Variants in FOXN3 observed in about 807,000 individuals in gnomAD.
The protein encoded by FOXN3 is forkhead box protein N3.
FOXN3 carries 7 observed loss-of-function variants against 38.4 expected under a neutral mutation model. The observed-to-expected ratio is 0.18, with a 90% CI of 0.10 to 0.34. The LOEUF (loss-of-function observed/expected upper bound fraction) is 0.34. Ranked by LOEUF, FOXN3 falls within the 10% of genes least tolerant of loss-of-function variation. FOXN3 has a pLI of 1.00. For synonymous variants in FOXN3, 230 were observed against 242.2 expected (o/e 0.95, Z 0.47); for missense variants, 456 against 613.4 (o/e 0.74, Z 2.71).
chr14:89,606,168 C>T (rs922678529), intron 1 of FOXN3, among the ~76,000 whole-genome samples: 4 of 152,024 alleles, frequency 2.6e-5, no homozygotes, highest in Non-Finnish European at 5.9e-5. Context: ...TCAATAAATT[C>T]CTAGAAATGC....
intron 3 of FOXN3, among the ~76,000 whole-genome samples, chr14:89,336,137 T>TACACACACACACACACACACAC (rs34950734): frequency 1.6e-4 from 23 of 140,018 alleles, no homozygotes; most frequent in African/African-American, 3.7e-4. Context: ...AAGTGATCCT[T>TACACACACACACACACACACAC]ACACACACAC....
At chr14:89,276,050 A>G (rs1006184068) in intron 4 of FOXN3, among the ~76,000 whole-genome samples, 2 of 152,184 alleles carry the variant, frequency 1.3e-5, no homozygotes, top group African/African-American at 2.4e-5. Context: ...GCCAAGGCAG[A>G]TGGATCACAT....
At chr14:89,311,335 G>T (rs1253570452) in intron 3 of FOXN3, among the ~76,000 whole-genome samples, 1 of 151,070 alleles carries the variant, frequency 6.6e-6, no homozygotes, top group African/African-American at 2.4e-5. Flanking sequence ...AGTCAGGCAT[G>T]GTGGCATGTG....
At chr14:89,359,307 A>T (rs55983824) in intron 2 of FOXN3, among the ~76,000 whole-genome samples, 113 of 81,742 alleles carry the variant, frequency 1.4e-3, no homozygotes, top group Non-Finnish European at 1.9e-3. Context: ...AAATAAAATT[A>T]AAAAAAAAAA....
intron 3 of FOXN3, among the ~76,000 whole-genome samples, chr14:89,329,117 G>A (rs868575450): frequency 3.9e-5 from 6 of 152,152 alleles, no homozygotes; most frequent in Admixed American, 6.5e-5. Flanking sequence ...GCAATTCTTC[G>A]GCAGCTGGAC....
At chr14:89,534,846 A>G (rs1894650965) in intron 1 of FOXN3, among the ~76,000 whole-genome samples, 1 of 152,174 alleles carries the variant, frequency 6.6e-6, no homozygotes, top group Admixed American at 6.5e-5. Flanking sequence ...GGCCCGTTCT[A>G]TCCACTGCTC....
intron 2 of FOXN3, among the ~76,000 whole-genome samples, chr14:89,391,977 A>C (rs1010579): frequency 0.69 from 104,394 of 152,024 alleles, 36,238 homozygotes; most frequent in Admixed American, 0.76. Flanking sequence ...ACTGCAATCC[A>C]ACCTGGAACC....
At chr14:89,286,311 G>T (rs1447163673) in intron 3 of FOXN3, among the ~76,000 whole-genome samples, 1 of 152,060 alleles carries the variant, frequency 6.6e-6, no homozygotes, top group Non-Finnish European at 1.5e-5. Context: ...AAGAATATCT[G>T]AATGTCCCCC....
intron 1 of FOXN3, among the ~76,000 whole-genome samples, chr14:89,579,925 AATAC>A (rs1895712295): frequency 6.6e-6 from 1 of 152,210 alleles, no homozygotes; most frequent in South Asian, 2.1e-4. Flanking sequence ...ACACTTAATA[AATAC>A]ATAAAGGAAT....
At chr14:89,340,708 G>A (rs1888590455) in intron 3 of FOXN3, among the ~76,000 whole-genome samples, 1 of 152,052 alleles carries the variant, frequency 6.6e-6, no homozygotes, top group Non-Finnish European at 1.5e-5. Context: ...ACAATAGGGG[G>A]GAGGTTGGGA....
chr14:89,357,790 G>A (rs2140020646), intron 2 of FOXN3, among the ~76,000 whole-genome samples: 1 of 152,236 alleles, frequency 6.6e-6, no homozygotes, highest in South Asian at 2.1e-4. Flanking sequence ...TATACTTTGT[G>A]ATGTTCTCAT....
At chr14:89,534,051 T>C (rs1473838555) in intron 1 of FOXN3, among the ~76,000 whole-genome samples, 2 of 150,330 alleles carry the variant, frequency 1.3e-5, no homozygotes, top group Admixed American at 1.3e-4. Context: ...GAGATGTGCT[T>C]CCCCCCCGCC....
intron 2 of FOXN3, among the ~76,000 whole-genome samples, chr14:89,396,552 TG>T (rs1296209946): frequency 2.6e-5 from 4 of 152,188 alleles, no homozygotes; most frequent in Non-Finnish European, 5.9e-5. Context: ...AAGCCACTGC[TG>T]GCTGGGCACG....
In FOXN3 at chr14:89,284,320, T is replaced by C. The variant is rs958426706; in HGVS notation, c.681-3306A>G. ...GTACCATGCCCGGCCACCTTCCCCGTTCTATAGGGAGACAGACAGAGGTCC... is the reference window on the plus strand; with the variant it reads ...GTACCATGCCCGGCCACCTTCCCCGCTCTATAGGGAGACAGACAGAGGTCC... On this transcript the variant is annotated intron_variant, in intron 3 of 5. Transcript: ENST00000557258. The C allele has an allele frequency of 1.3e-5, 5 of 373,188 alleles. No homozygotes were observed. In the East Asian group the frequency reaches 2.9e-4, roughly 22 times the overall value. 23.1% of individuals were successfully genotyped at this position (373,188 alleles called of 1,614,324 possible).
At chr14:89,421,498 A>T (rs1051453151), upstream of FOXN3, among the ~76,000 whole-genome samples, 3 of 148,128 alleles carry the variant, frequency 2.0e-5, no homozygotes, top group African/African-American at 7.5e-5. Context: ...CCGTGTGGGC[A>T]ATTGGTTTAT....
At chr14:89,415,984 G>C (rs1891702540) in intron 1 of FOXN3, among the ~76,000 whole-genome samples, 1 of 151,970 alleles carries the variant, frequency 6.6e-6, no homozygotes, top group Non-Finnish European at 1.5e-5. Flanking sequence ...CTAGTAAACA[G>C]AAGGTCTCCA....
chr14:89,348,889 TTAAA>T (rs999050347), intron 3 of FOXN3, among the ~76,000 whole-genome samples: 1 of 152,176 alleles, frequency 6.6e-6, no homozygotes, highest in Admixed American at 6.5e-5. Flanking sequence ...CTTCGAATTA[TTAAA>T]TAATTACTGT....
chr14:89,244,590 C>CTT (rs1215943688), intron 4 of FOXN3, among the ~76,000 whole-genome samples: 1 of 152,158 alleles, frequency 6.6e-6, no homozygotes, highest in Non-Finnish European at 1.5e-5. Flanking sequence ...CAGGATAAGA[C>CTT]CAGTATAAGA....
At chr14:89,198,016 A>T (rs1888141716) in intron 4 of FOXN3, among the ~76,000 whole-genome samples, 1 of 152,196 alleles carries the variant, frequency 6.6e-6, no homozygotes, top group Admixed American at 6.5e-5. Context: ...AATGAAGAAA[A>T]AATACAGTCA....
Sources: allele counts gnomAD v4.1 joint callset (sites outside exome capture counted in the v4.1 genomes callset), GRCh38; gene constraint gnomAD v4.1.1; transcripts MANE v1.5; gene names NCBI Gene and HGNC (gene_info 2026-07-23, HGNC 2026-07-21).